The following VARS1 variants were observed in gnomAD, a reference collection of about 807,000 sequenced individuals.
VARS1 encodes valyl-tRNA synthetase 1.
A neutral mutation model predicts 161.0 loss-of-function variants in VARS1; 92 were observed. The observed-to-expected ratio is 0.57, with a 90% CI of 0.48 to 0.68. The LOEUF (loss-of-function observed/expected upper bound fraction) is 0.68. VARS1 is among the 30% of genes least tolerant of loss of function. The pLI is 0.00. For missense variants in VARS1, 1,338 were observed against 1,695.9 expected (o/e 0.79, Z 3.71); for synonymous variants, 595 against 682.5 (o/e 0.87, Z 2.00).
intron 8 of VARS1, among the ~76,000 whole-genome samples, chr6:31,788,514 A>AC (rs1327762902): frequency 4.0e-5 from 6 of 149,244 alleles, no homozygotes; most frequent in Non-Finnish European, 7.5e-5. Context: ...AAAAAAACAA[A>AC]AAAAAAAACA....
chr6:31,795,469 G>A lies in VARS1; in HGVS notation c.-34+77C>T, dbSNP rs1401982864. On this transcript the variant is annotated intron_variant, in intron 1 of 29. Transcript: ENST00000375663. The surrounding 1 kb of genome is among the most constrained non-coding windows in gnomAD (Gnocchi z 6.9). ...GAAGAGGAACTATCCACCATCGCGG[G>A]GCTTCGGGGAGTGTGGAAGGCTCTC... 3 of 378,850 alleles carry A rather than the reference G, an allele frequency of 7.9e-6. No homozygotes were observed. Among genetic ancestry groups the A allele is most frequent in the Non-Finnish European group, 9.3e-6 (2 of 214,082 alleles). The allele number at this position is 378,850 out of a possible 1,614,324, so 23.5% of individuals were successfully genotyped here.
Position 31,785,855 on chromosome 6 carries a change from G to A in VARS1, c.1101-122C>T, listed in dbSNP as rs979246159. On this transcript the variant is annotated intron_variant, in intron 8 of 29. Coordinates refer to ENST00000375663, the MANE Select transcript of VARS1 (RefSeq NM_006295.3). This position sits in a 1 kb window ranked among gnomAD's most constrained non-coding sequence, Gnocchi z 6.1. ...TAAAGAAGCAGGGAGGCCGGACGCG[G>A]TGGCTCACGCCTGTAATCCCAGAAC... The A allele has an allele frequency of 2.3e-6, 3 of 1,287,308 alleles. No homozygotes were observed. Among genetic ancestry groups the A allele is most frequent in the African/African-American group, 3.0e-5 (2 of 66,464 alleles). The allele number at this position is 1,287,308 out of a possible 1,614,324, so 79.7% of individuals were successfully genotyped here.
In VARS1 at chr6:31,777,561, C is replaced by T. The variant is rs1191496526; in HGVS notation, c.*33G>A. ...TATTGCTGCCATCCCCATGGTGAGC[C>T]GCTGGGGGTGAGGGGTGAAGCTGGG... On this transcript the variant is annotated 3_prime_UTR_variant, in exon 30 of 30. Coordinates refer to ENST00000375663, the MANE Select transcript of VARS1 (RefSeq NM_006295.3). The surrounding 1 kb of genome is among the most constrained non-coding windows in gnomAD (Gnocchi z 5.8). 9.3e-6 allele frequency: 15 copies of T among 1,613,520 alleles called. No homozygotes were observed. The highest frequency in any genetic ancestry group is 6.7e-5 in the African/African-American group (5 of 74,900).
chr6:31,783,569 C>A (rs1418793092), intron 13 of VARS1, among the ~76,000 whole-genome samples: 1 of 151,848 alleles, frequency 6.6e-6, no homozygotes, highest in African/African-American at 2.4e-5. Context: ...ACATCTCTAA[C>A]CCCCACACTT....
chr6:31,789,432 T>C (rs898625979), intron 8 of VARS1, among the ~76,000 whole-genome samples: 3 of 152,094 alleles, frequency 2.0e-5, no homozygotes, highest in African/African-American at 7.2e-5. Context: ...GCCCATCAGA[T>C]TGGCAAAACT....
Position 31,784,488 on chromosome 6 carries a change from CTCCT to C in VARS1, c.1478_1481del (p.Lys493SerfsTer2). 1 of 1,614,096 alleles carries C rather than the reference CTCCT, an allele frequency of 6.2e-7. No homozygotes were observed. The highest frequency in any genetic ancestry group is 8.5e-7 in the Non-Finnish European group (1 of 1,180,048). ...CGGAGAGCAGGGTGCGACCTGTCAG[CTCCT>C]TCTTATCCACCTGTAAAATGGGTAT... is the stretch of plus-strand genomic sequence containing the variant. On this transcript the variant is annotated frameshift_variant, in exon 12 of 30. Coordinates refer to ENST00000375663, the MANE Select transcript of VARS1 (RefSeq NM_006295.3). LOFTEE classifies it high-confidence loss of function. This position sits in a 1 kb window ranked among gnomAD's most constrained non-coding sequence, Gnocchi z 6.1.
At position 31,779,692 on chromosome 6, in the gene VARS1, C is replaced by T. The variant is rs758265662; in HGVS notation, c.3204G>A (p.Thr1068=). 57 of 1,612,858 alleles carry T rather than the reference C, an allele frequency of 3.5e-5. 1 individual carries two copies. In the East Asian group the frequency reaches 6.5e-4, roughly 18 times the overall value. ...GGGGCAGCCTCTGGAACAGCTCCTCCGTCACGAAGGGCATGAAGGGTGAGA... is the reference window on the plus strand; with the variant it reads ...GGGGCAGCCTCTGGAACAGCTCCTCTGTCACGAAGGGCATGAAGGGTGAGA... ...RLLSPFMPFV[T]EELFQRLPRR... is the part of the protein sequence containing the mutation. Residue 1068 remains threonine, a synonymous_variant, in exon 27 of 30, where the codon ACG becomes ACA. Transcript: ENST00000375663. The surrounding 1 kb of genome is among the most constrained non-coding windows in gnomAD (Gnocchi z 9.1).
Position 31,785,472 on chromosome 6 carries a change from C to T in VARS1, c.1265+97G>A. The T allele has an allele frequency of 1.3e-6, 2 of 1,523,976 alleles. No homozygotes were observed. Among genetic ancestry groups the T allele is most frequent in the Admixed American group, 4.0e-5 (2 of 50,170 alleles). 94.4% of individuals were successfully genotyped at this position (1,523,976 alleles called of 1,614,324 possible). ...ACTGACTCTGCCTCTGTGGGAGGGT[C>T]TGACCCTGTGGCCAAGGGGTTACAG... On this transcript the variant is annotated intron_variant, in intron 9 of 29. Coordinates refer to ENST00000375663, the MANE Select transcript of VARS1 (RefSeq NM_006295.3). This position sits in a 1 kb window ranked among gnomAD's most constrained non-coding sequence, Gnocchi z 6.1.
Position 31,792,318 on chromosome 6 carries a change from A to C in VARS1, c.787-17T>G. ...TGGTTTCTTCTGCTTGGGAGGGAGA[A>C]GACATAGGCCCAGGCATCAGCCAAC... On this transcript the variant is annotated splice_polypyrimidine_tract_variant and intron_variant, in intron 5 of 29. Coordinates refer to ENST00000375663, the MANE Select transcript of VARS1 (RefSeq NM_006295.3). The C allele has an allele frequency of 6.2e-7, 1 of 1,613,716 alleles. No homozygotes were observed. The highest frequency in any genetic ancestry group is 8.5e-7 in the Non-Finnish European group (1 of 1,179,950).
chr6:31,793,366 C>T (rs1285542390), intron 2 of VARS1, among the ~76,000 whole-genome samples: 2 of 151,924 alleles, frequency 1.3e-5, no homozygotes, highest in African/African-American at 2.4e-5. Context: ...AATAGCCAGG[C>T]GTGGTGGCGG....
chr6:31,792,720 G>A (rs764871284), intron 4 of VARS1, 37 bp downstream of exon 4: 1 of 1,611,544 alleles, frequency 6.2e-7, no homozygotes, highest in Non-Finnish European at 8.5e-7. Flanking sequence ...AAGGCCCCAG[G>A]GAAGCCCCTA....
At position 31,782,135 on chromosome 6, in the gene VARS1, G is replaced by GA; in HGVS notation, c.2192dup (p.Ala733SerfsTer8). On this transcript the variant is annotated frameshift_variant, in exon 18 of 30. Transcript: ENST00000375663. LOFTEE classifies it high-confidence loss of function. The surrounding 1 kb of genome is among the most constrained non-coding windows in gnomAD (Gnocchi z 8.3). ...CACTGACAGTGACAAAGTAGGCTGG[G>GA]ATGCGATGGCCCCACCACAGCTGCC... 6.2e-7 allele frequency: 1 copy of GA among 1,614,006 alleles called. No individual in the cohort carries two copies. The highest frequency in any genetic ancestry group is 8.5e-7 in the Non-Finnish European group (1 of 1,179,970).
At position 31,785,731 on chromosome 6, in the gene VARS1, T is replaced by A; in HGVS notation, c.1103A>T (p.His368Leu). The change falls in exon 9 of 30, where the codon CAC (histidine) becomes CTC (leucine). Residue 368 changes from histidine to leucine, a missense_variant and splice_region_variant. Coordinates refer to ENST00000375663, the MANE Select transcript of VARS1 (RefSeq NM_006295.3). This position sits in a 1 kb window ranked among gnomAD's most constrained non-coding sequence, Gnocchi z 6.1. The part of the protein sequence containing the change: ...NAIQDSLTRW[H>L]RMRGETTLWN... ...CAGGGTGGTCTCCCCACGCATGCGGTGCCTGTTAGGGGGCATGGAGGACCA... is the reference window on the plus strand; with the variant it reads ...CAGGGTGGTCTCCCCACGCATGCGGAGCCTGTTAGGGGGCATGGAGGACCA... 1 of 1,609,676 alleles carries A rather than the reference T, an allele frequency of 6.2e-7. No individual in the cohort carries two copies. The highest frequency in any genetic ancestry group is 1.1e-5 in the South Asian group (1 of 90,722).
At chr6:31,787,107 T>C (rs938889070) in intron 8 of VARS1, among the ~76,000 whole-genome samples, 3 of 150,742 alleles carry the variant, frequency 2.0e-5, no homozygotes, top group Non-Finnish European at 4.4e-5. Flanking sequence ...TGCACCTTTG[T>C]TCCCAGCTAC....
Position 31,779,542 on chromosome 6 carries a change from G to C in VARS1, c.3289-6C>G. The C allele has an allele frequency of 1.9e-6, 3 of 1,612,538 alleles. No individual in the cohort carries two copies. The highest frequency in any genetic ancestry group is 2.5e-6 in the Non-Finnish European group (3 of 1,179,820). ...TCGGGGTCCTTCCAGGAGCACTGTG[G>C]GGTGGAGGAGGGGGTGAGGGGGCCT... On this transcript the variant is annotated splice_polypyrimidine_tract_variant and splice_region_variant and intron_variant, in intron 27 of 29. Transcript: ENST00000375663. The surrounding 1 kb of genome is among the most constrained non-coding windows in gnomAD (Gnocchi z 9.1).
Position 31,792,861 on chromosome 6 carries a change from T to C in VARS1, c.557A>G (p.Asn186Ser), listed in dbSNP as rs1231577769. Residue 186 changes from asparagine (N) to serine (S), a missense_variant, in exon 4 of 30, where the codon AAT (asparagine) becomes AGT (serine). Coordinates refer to ENST00000375663, the MANE Select transcript of VARS1 (RefSeq NM_006295.3). ...ACACGTGACAAACCAGCGAGTCACATTATTCCAGATCCGGCGGGCAGGTGG... is the reference window on the plus strand; with the variant it reads ...ACACGTGACAAACCAGCGAGTCACACTATTCCAGATCCGGCGGGCAGGTGG... ...LDPPARRIWNNVTRWFVTCVR... is the reference protein window; with the variant it reads ...LDPPARRIWNSVTRWFVTCVR... The C allele has an allele frequency of 2.5e-6, 4 of 1,614,032 alleles. No individual in the cohort carries two copies. The African/African-American group carries it at 4.0e-5, about 16-fold the overall frequency.
chr6:31,788,449 C>T (rs575480516), intron 8 of VARS1, among the ~76,000 whole-genome samples: 58 of 145,880 alleles, frequency 4.0e-4, no homozygotes, highest in African/African-American at 1.4e-3. Flanking sequence ...GCAGTAAGCG[C>T]GCATCACTGC....
rs1813368776 is a variant in VARS1, at chr6:31,784,522, AGGCGTGGCCCAGGGGCCAG to A, written c.1468-39_1468-21del. 1 of 1,613,826 alleles carries A rather than the reference AGGCGTGGCCCAGGGGCCAG, an allele frequency of 6.2e-7. No homozygotes were observed. Among genetic ancestry groups the A allele is most frequent in the East Asian group, 2.2e-5 (1 of 44,876 alleles). ...ATCCACCTGTAAAATGGGTATTTAG[AGGCGTGGCCCAGGGGCCAG>A]GGCCAGGGCCAGGGTAGATTGGAGA... is the stretch of plus-strand genomic sequence containing the variant. On this transcript the variant is annotated intron_variant, in intron 11 of 29. Transcript: ENST00000375663. The surrounding 1 kb of genome is among the most constrained non-coding windows in gnomAD (Gnocchi z 6.1).
chr6:31,783,233 CGT>C (rs1562300105), intron 13 of VARS1, 47 bp from the exon 14 acceptor site: 1 of 1,583,672 alleles, frequency 6.3e-7, no homozygotes, highest in Non-Finnish European at 8.6e-7. Flanking sequence ...GGCCAGACGC[CGT>C]GATTCCCACC....
Sources: allele counts gnomAD v4.1 joint callset (sites outside exome capture counted in the v4.1 genomes callset), GRCh38; gene constraint gnomAD v4.1.1; non-coding constraint Gnocchi (gnomAD v3.1); transcripts MANE v1.5; gene names NCBI Gene and HGNC (gene_info 2026-07-23, HGNC 2026-07-21).